The following TMEM41A variants were observed in gnomAD, a reference collection of about 807,000 sequenced individuals.
The protein encoded by TMEM41A is transmembrane protein 41A.
Under a neutral mutation model 25.7 loss-of-function variants are expected in TMEM41A, and 20 were observed. The observed-to-expected ratio is 0.78, with a 90% CI of 0.55 to 1.13. The LOEUF (loss-of-function observed/expected upper bound fraction) is 1.13, where lower values mean the gene tolerates loss of function less well. Ranked by LOEUF, TMEM41A falls within the 50% of genes most tolerant of loss-of-function variation. TMEM41A has a pLI of 0.00. For missense variants in TMEM41A, 299 were observed against 314.3 expected (o/e 0.95, Z 0.37); for synonymous variants, 133 against 139.6 (o/e 0.95, Z 0.33).
intron 1 of TMEM41A, among the ~76,000 whole-genome samples, chr3:185,498,084 C>T (rs571884620): frequency 1.9e-5 from 2 of 107,896 alleles, no homozygotes; most frequent in Admixed American, 1.8e-4. Context: ...TAATGAGACC[C>T]CCCCCCCGCG....
rs757671126 is a variant in TMEM41A at position 185,495,083 on chromosome 3, C to T, written c.435+71G>A. The T allele has an allele frequency of 3.0e-5, 46 of 1,556,386 alleles. 2 individuals are homozygous for T. In the Middle Eastern group the frequency reaches 1.8e-3, roughly 60 times the overall value. On this transcript the variant is annotated intron_variant, in intron 3 of 4. Coordinates refer to ENST00000421852, the MANE Select transcript of TMEM41A (RefSeq NM_080652.4). The stretch of plus-strand genomic sequence containing the variant: ...AGTACTGTGGGAAATCCCTGCCACT[C>T]GCTTCTCTCAAGGCCATGCACGTAG...
chr3:185,494,529 C>G, intron 4 of TMEM41A, 94 bp downstream of exon 4: 1 of 1,352,438 alleles, frequency 7.4e-7, no homozygotes, highest in Non-Finnish European at 9.8e-7. Flanking sequence ...CCTGTGTTCT[C>G]AGAAGCAGGC....
intron 2 of TMEM41A, 41 bp downstream of exon 2, chr3:185,496,787 C>T (rs1719112672): frequency 7.6e-6 from 12 of 1,580,802 alleles, no homozygotes; most frequent in Non-Finnish European, 9.4e-6. Flanking sequence ...CCAAATTTTA[C>T]AGATAAGGAA....
intron 2 of TMEM41A, chr3:185,496,184 A>C (rs1719095751): frequency 1.3e-5 from 2 of 154,542 alleles, no homozygotes; most frequent in African/African-American, 4.8e-5. Flanking sequence ...TCCTGACAAA[A>C]CATGGGATCC....
Position 185,491,484 on chromosome 3 carries a change from C to T in TMEM41A, c.*53G>A. ...ATGAGGGGCTTTAGAGGACCACATCCATTACACAAATAAGCAACTGAGTCC... is the reference window on the plus strand; with the variant it reads ...ATGAGGGGCTTTAGAGGACCACATCTATTACACAAATAAGCAACTGAGTCC... On this transcript the variant is annotated 3_prime_UTR_variant, in exon 5 of 5. Transcript: ENST00000421852. 1 of 1,443,060 alleles carries T rather than the reference C, an allele frequency of 6.9e-7. No individual in the cohort carries two copies. Among genetic ancestry groups the T allele is most frequent in the Non-Finnish European group, 9.7e-7 (1 of 1,032,590 alleles). The allele number at this position is 1,443,060 out of a possible 1,614,324, so 89.4% of individuals were successfully genotyped here. A position where few individuals can be genotyped will look rare whatever the true frequency, so the allele number is the denominator to read the frequency against.
At chr3:185,496,642 A>C in intron 2 of TMEM41A, 186 bp downstream of exon 2, 1 of 697,660 alleles carries the variant, frequency 1.4e-6, no homozygotes, top group South Asian at 1.7e-5. Flanking sequence ...GTACAAAAGG[A>C]AGCTGTCAGT....
chr3:185,497,512 T>C (rs1246545584), intron 1 of TMEM41A, among the ~76,000 whole-genome samples: 2 of 152,266 alleles, frequency 1.3e-5, no homozygotes, highest in Non-Finnish European at 2.9e-5. Flanking sequence ...CAGGAAAGTA[T>C]ATCTATCCCA....
chr3:185,498,757 C>T, intron 1 of TMEM41A, 86 bp downstream of exon 1: 1 of 995,244 alleles, frequency 1.0e-6, no homozygotes, highest in Non-Finnish European at 1.5e-6. Flanking sequence ...ATACCGGAAC[C>T]CGAATCTCCG....
chr3:185,497,148 G>C (rs959655017), intron 1 of TMEM41A, among the ~76,000 whole-genome samples, 167 bp from the exon 2 acceptor site: 2 of 152,174 alleles, frequency 1.3e-5, no homozygotes, highest in African/African-American at 4.8e-5. Flanking sequence ...ACGACGTTGC[G>C]GAGACAGACA....
At position 185,496,934 on chromosome 3, in the gene TMEM41A, T is replaced by C; in HGVS notation, c.167A>G (p.Glu56Gly). Residue 56 changes from glutamate (E) to glycine (G), a missense_variant, in exon 2 of 5, where the codon GAG (glutamate) becomes GGG (glycine). By Grantham distance (98) the Glu-to-Gly change is moderately conservative. Transcript: ENST00000421852. ...SDLAELRELSEVLREYRKEHQ... is the reference protein window; with the variant it reads ...SDLAELRELSGVLREYRKEHQ... The stretch of plus-strand genomic sequence containing the variant: ...CTCCTTCCGGTACTCTCGAAGGACC[T>C]CAGAGAGCTCCCGCAGCTCTGCCAG... The C allele has an allele frequency of 6.2e-7, 1 of 1,601,956 alleles. No individual in the cohort carries two copies. The highest frequency in any genetic ancestry group is 8.5e-7 in the Non-Finnish European group (1 of 1,175,582).
chr3:185,493,482 G>A (rs1719015728), intron 4 of TMEM41A: 1 of 152,132 alleles, frequency 6.6e-6, no homozygotes, highest in Admixed American at 6.6e-5. Context: ...GTGTGGTGTA[G>A]CCTTAGCTTA....
At chr3:185,496,692 G>C in intron 2 of TMEM41A, 136 bp downstream of exon 2, 1 of 1,117,598 alleles carries the variant, frequency 8.9e-7, no homozygotes, top group Non-Finnish European at 1.3e-6. Flanking sequence ...TAAGTGCTGA[G>C]GGCCACTGTG....
rs528955382 is a variant in TMEM41A, at chr3:185,494,550, G to A, written c.574+73C>T. 78 of 1,426,846 alleles carry A rather than the reference G, an allele frequency of 5.5e-5. No individual in the cohort carries two copies. In the South Asian group the frequency reaches 8.1e-4, roughly 15 times the overall value. 88.4% of individuals were successfully genotyped at this position (1,426,846 alleles called of 1,614,324 possible). ...TTCTCAGAAGCAGGCACATGCTCACGTGGCCAATAACCCAGGGCAGACCCC... is the reference window on the plus strand; with the variant it reads ...TTCTCAGAAGCAGGCACATGCTCACATGGCCAATAACCCAGGGCAGACCCC... On this transcript the variant is annotated intron_variant, in intron 4 of 4. Transcript: ENST00000421852.
In TMEM41A at chr3:185,495,248, A is replaced by G; in HGVS notation, c.341T>C (p.Val114Ala). ...GAGCAGGTAGCAGCATGTGGCACCC[A>G]CCGAGGTCAACACACAGCACAGCAG... ...GLLLCCVLTS[V>A]GATCCYLLSS... The change falls in exon 3 of 5, where the codon GTG (valine) becomes GCG (alanine). Residue 114 changes from valine (V) to alanine (A), a missense_variant. Val to Ala is a moderately conservative substitution (Grantham distance 64). Transcript: ENST00000421852. 1.2e-6 allele frequency: 2 copies of G among 1,613,926 alleles called. No homozygotes were observed. The highest frequency in any genetic ancestry group is 1.7e-6 in the Non-Finnish European group (2 of 1,180,012).
chr3:185,496,766 C>T, intron 2 of TMEM41A, 62 bp downstream of exon 2: 1 of 1,553,780 alleles, frequency 6.4e-7, no homozygotes, highest in Non-Finnish European at 8.7e-7. Context: ...CATGAGGTTA[C>T]AGGGGAGTAT....
rs1718897416 is a variant in TMEM41A at position 185,489,983 on chromosome 3, G to A, written c.*1554C>T. On this transcript the variant is annotated 3_prime_UTR_variant, in exon 5 of 5. Coordinates refer to ENST00000421852, the MANE Select transcript of TMEM41A (RefSeq NM_080652.4). ...TCCCAAGAATTCATGTAGAACAAGA[G>A]GCATAGATTAAAGTCTTGGCAAGAC... is the stretch of plus-strand genomic sequence containing the variant. 6.6e-6 allele frequency: 1 copy of A among 152,146 alleles called. No homozygotes were observed. The highest frequency in any genetic ancestry group is 2.4e-5 in the African/African-American group (1 of 41,426). The allele number at this position is 152,146 out of a possible 1,614,324, so 9.4% of individuals were successfully genotyped here. A position where few individuals can be genotyped will look rare whatever the true frequency, so the allele number is the denominator to read the frequency against.
In TMEM41A at chr3:185,496,878, C is replaced by T. The variant is rs757559352; in HGVS notation, c.223G>A (p.Gly75Ser). Residue 75 changes from glycine (G) to serine (S), a missense_variant, in exon 2 of 5, where the codon GGC becomes AGC. Coordinates refer to ENST00000421852, the MANE Select transcript of TMEM41A (RefSeq NM_080652.4). The part of the protein sequence containing the change: ...HQAYVFLLFC[G>S]AYLYKQGFAI... ...AAGCCCTGTTTGTAGAGGTAGGCGC[C>T]GCAGAAGAGCAGGAACACGTAGGCC... 16 of 1,606,916 alleles carry T rather than the reference C, an allele frequency of 1.0e-5. No individual in the cohort carries two copies. In the African/African-American group the frequency reaches 1.7e-4, roughly 17 times the overall value.
In TMEM41A at chr3:185,491,721, C is replaced by T. The variant is rs185601297; in HGVS notation, c.611G>A (p.Gly204Glu). Residue 204 changes from glycine to glutamate, a missense_variant, in exon 5 of 5, where the codon GGG becomes GAG. Gly to Glu is a moderately conservative substitution (Grantham distance 98). Coordinates refer to ENST00000421852, the MANE Select transcript of TMEM41A (RefSeq NM_080652.4). The part of the protein sequence containing the change: ...IPYNFICVQT[G>E]SILSTLTSLD... ...AGAGGTTAGGGTTGACAGGATGGAC[C>T]CTGTCTGCACACAGATGAAATTATA... 1.2e-6 allele frequency: 2 copies of T among 1,613,996 alleles called. No homozygotes were observed. Among genetic ancestry groups the T allele is most frequent in the African/African-American group, 2.7e-5 (2 of 75,006 alleles).
At chr3:185,492,623 A>ACCACAT (rs1718991442) in intron 4 of TMEM41A, 1 of 152,110 alleles carries the variant, frequency 6.6e-6, no homozygotes, top group Non-Finnish European at 1.5e-5. Flanking sequence ...TTGTTAAAAA[A>ACCACAT]CCACATCCTT....
Sources: gnomAD v4.1 joint callset for allele counts (sites outside exome capture counted in the v4.1 genomes callset) on GRCh38, gnomAD v4.1.1 for gene constraint, MANE v1.5 for transcripts, NCBI Gene and HGNC (gene_info 2026-07-23, HGNC 2026-07-21) for gene names.